SRPX2: variants seen among roughly 807,000 people sequenced by gnomAD.
SRPX2 encodes sushi repeat containing protein X-linked 2.
Under a neutral mutation model 45.3 loss-of-function variants are expected in SRPX2, and 26 were observed. The ratio of observed to expected loss-of-function variants is 0.57; its 90% confidence interval spans 0.42 to 0.80. The LOEUF (loss-of-function observed/expected upper bound fraction) is 0.80, where lower values mean the gene tolerates loss of function less well. SRPX2 is among the 30% of genes least tolerant of loss of function. The probability of loss-of-function intolerance (pLI) is 0.00; values close to 1 mark genes in which losing one functional copy is unlikely to be tolerated. For synonymous variants in SRPX2, 125 were observed against 143.7 expected, an observed-to-expected ratio of 0.87 and a Z score of 0.93; for missense variants, 355 against 399.8, an observed-to-expected ratio of 0.89 and a Z score of 0.95.
At chrX:100,655,901 T>C (rs1453328226) in intron 3 of SRPX2, among the ~76,000 whole-genome samples, 7 of 103,525 alleles carry the variant, frequency 6.8e-5, no homozygotes, top group Non-Finnish European at 1.4e-4. Context: ...TTCGCTCTTG[T>C]TGCCCAGGCT....
rs750882792 is a variant in SRPX2, at chrX:100,670,797, TTC to T, written c.1218-4_1218-3del. Reference sequence around the variant, plus strand: ...CAAGGTCTCATACCTCCCTGGGCTGTTCTCTCTAGGCAATTTCAGCGCCTCAC... The same window carrying T: ...CAAGGTCTCATACCTCCCTGGGCTGTTCTCTAGGCAATTTCAGCGCCTCAC... On this transcript the variant is annotated splice_polypyrimidine_tract_variant and splice_region_variant and intron_variant, in intron 10 of 10. Transcript: ENST00000373004. 1 of 1,210,998 alleles carries T rather than the reference TTC, an allele frequency of 8.3e-7. No individual in the cohort carries two copies. The highest frequency in any genetic ancestry group is 1.8e-5 in the South Asian group (1 of 56,904).
intron 3 of SRPX2, among the ~76,000 whole-genome samples, chrX:100,652,173 A>G (rs1457969810): frequency 8.9e-6 from 1 of 112,063 alleles, no homozygotes; most frequent in Non-Finnish European, 1.9e-5. Context: ...AACCAGCTAC[A>G]GTAATGTTGG....
intron 9 of SRPX2, 100 bp downstream of exon 9, chrX:100,667,507 C>T (rs1161641401): frequency 6.6e-6 from 7 of 1,053,657 alleles, no homozygotes; most frequent in Non-Finnish European, 7.9e-6. Flanking sequence ...TACCTACTTC[C>T]TGAAACTTTT....
At position 100,671,801 on chromosome X, in the gene SRPX2, G is replaced by GAACC. The variant is rs1379509953; in HGVS notation, c.*816_*819dup. 1 of 112,437 alleles carries GAACC rather than the reference G, an allele frequency of 8.9e-6. No individual in the cohort carries two copies. The highest frequency in any genetic ancestry group is 2.8e-4 in the East Asian group (1 of 3,562). The allele number at this position is 112,437 out of a possible 1,213,427, so 9.3% of individuals were successfully genotyped here. On this transcript the variant is annotated 3_prime_UTR_variant, in exon 11 of 11. Coordinates refer to ENST00000373004, the MANE Select transcript of SRPX2 (RefSeq NM_014467.3). The stretch of plus-strand genomic sequence containing the variant: ...GGGCACTGGGCAGCAAATGTTATCT[G>GAACC]AACCATTGCTTCACTGTTAGAAAAA...
chrX:100,658,997 C>T (rs2083178875), intron 3 of SRPX2, among the ~76,000 whole-genome samples: 1 of 111,818 alleles, frequency 8.9e-6, no homozygotes, highest in Admixed American at 9.5e-5. Context: ...ATCTCATCCA[C>T]ATCAATGACA....
chrX:100,655,693 T>C (rs1402620440), intron 3 of SRPX2, among the ~76,000 whole-genome samples: 1 of 110,237 alleles, frequency 9.1e-6, no homozygotes, highest in Non-Finnish European at 1.9e-5. Context: ...CTGCATACCT[T>C]ACAGGGCTGT....
rs2083150536 is a variant in SRPX2, at chrX:100,650,795, C to T, written c.93C>T (p.Tyr31=). ...TCTTCCTTATTCTAGGTTCTGGCTA[C>T]TATCCGGATGAAAGCTACAATGAAG... ...VTPTWYAGSG[Y]YPDESYNEVY... is the part of the protein sequence containing the mutation. Residue 31 remains tyrosine, a synonymous_variant, in exon 3 of 11, where the codon TAC becomes TAT. Transcript: ENST00000373004. 8.3e-7 allele frequency: 1 copy of T among 1,208,290 alleles called. No individual in the cohort carries two copies. The highest frequency in any genetic ancestry group is 1.8e-5 in the African/African-American group (1 of 57,128).
chrX:100,663,143 C>T (rs888611849), intron 4 of SRPX2, among the ~76,000 whole-genome samples: 52 of 110,447 alleles, frequency 4.7e-4, no homozygotes, highest in Non-Finnish European at 1.9e-4. Flanking sequence ...TGGGGCTGGT[C>T]AGAGAAGACG....
intron 2 of SRPX2, among the ~76,000 whole-genome samples, chrX:100,647,138 G>A (rs979530711): frequency 8.9e-6 from 1 of 111,997 alleles, no homozygotes; most frequent in Non-Finnish European, 1.9e-5. Flanking sequence ...GCATACAGAG[G>A]TTTTATATGG....
At chrX:100,653,243 T>G (rs1462653075) in intron 3 of SRPX2, among the ~76,000 whole-genome samples, 1 of 111,085 alleles carries the variant, frequency 9.0e-6, no homozygotes, top group African/African-American at 3.3e-5. Flanking sequence ...ACAAAAGTAT[T>G]TCCTCTCTCC....
intron 9 of SRPX2, among the ~76,000 whole-genome samples, chrX:100,668,192 A>G: frequency 9.1e-6 from 1 of 109,585 alleles, no homozygotes; most frequent in Non-Finnish European, 1.9e-5. Flanking sequence ...TGACAAGACT[A>G]AGAGAAGCAG....
At chrX:100,659,244 G>T (rs950805290) in intron 3 of SRPX2, among the ~76,000 whole-genome samples, 6 of 111,975 alleles carry the variant, frequency 5.4e-5, no homozygotes, top group Admixed American at 4.7e-4. Context: ...AGTTCCCAGA[G>T]ACTTCTTCCT....
rs1233295064 is a variant in SRPX2 at position 100,664,814 on chromosome X, T to C, written c.396T>C (p.Thr132=). 2 of 1,206,590 alleles carry C rather than the reference T, an allele frequency of 1.7e-6. No homozygotes were observed. The highest frequency in any genetic ancestry group is 2.2e-6 in the Non-Finnish European group (2 of 893,478). ...CACTACCATTCATCACTAGTGGCACTTACACCTGCACAAATGGAGTGCTTC... is the reference window on the plus strand; with the variant it reads ...CACTACCATTCATCACTAGTGGCACCTACACCTGCACAAATGGAGTGCTTC... ...CHALPFITSG[T]YTCTNGVLLD... The change falls in exon 5 of 11, where the codon ACT becomes ACC. Residue 132 remains threonine (T), a synonymous_variant. Transcript: ENST00000373004.
chrX:100,670,003 C>G (rs1449185461), intron 10 of SRPX2, among the ~76,000 whole-genome samples: 2 of 110,633 alleles, frequency 1.8e-5, no homozygotes, highest in Non-Finnish European at 3.8e-5. Context: ...AACTCCTGAC[C>G]TCAGGTGATC....
chrX:100,655,853 G>T (rs924489193), intron 3 of SRPX2, among the ~76,000 whole-genome samples: 6 of 83,185 alleles, frequency 7.2e-5, no homozygotes, highest in Non-Finnish European at 1.2e-4. Context: ...TGGGGTGGGG[G>T]AGTTTTTTTT....
Position 100,672,968 on chromosome X carries a change from G to A in SRPX2, c.*1981G>A, listed in dbSNP as rs1034531702. The A allele has an allele frequency of 6.2e-5, 7 of 112,052 alleles. No homozygotes were observed. Among genetic ancestry groups the A allele is most frequent in the Non-Finnish European group, 1.3e-4 (7 of 53,206 alleles). The allele number at this position is 112,052 out of a possible 1,213,427, so 9.2% of individuals were successfully genotyped here. On this transcript the variant is annotated 3_prime_UTR_variant, in exon 11 of 11. Transcript: ENST00000373004. ...GGGTAGAATGGAACATGGAGGAAAT[G>A]TTCAAAGTTGGAGCAAAAAGGTCCC... is the stretch of plus-strand genomic sequence containing the variant.
rs180780022 is a variant in SRPX2, at chrX:100,673,345, G to A, written c.*2358G>A. On this transcript the variant is annotated 3_prime_UTR_variant, in exon 11 of 11. Transcript: ENST00000373004. ...AGTCAAGTCAGTCTTGCTTTCTTTA[G>A]GTAAAGTTTTACAGTAACCTCCTTT... is the stretch of plus-strand genomic sequence containing the variant. The A allele has an allele frequency of 2.4e-4, 27 of 111,710 alleles. No homozygotes were observed. The highest frequency in any genetic ancestry group is 8.8e-4 in the African/African-American group (27 of 30,737). 9.2% of individuals were successfully genotyped at this position (111,710 alleles called of 1,213,427 possible).
chrX:100,668,416 G>A (rs1247664839), intron 9 of SRPX2, among the ~76,000 whole-genome samples: 1 of 106,022 alleles, frequency 9.4e-6, no homozygotes, highest in Non-Finnish European at 1.9e-5. Context: ...GATCCAAAAA[G>A]ACTGACAAAG....
intron 1 of SRPX2, among the ~76,000 whole-genome samples, chrX:100,644,771 G>T (rs778332791): frequency 2.7e-5 from 3 of 111,344 alleles, no homozygotes; most frequent in Admixed American, 9.5e-5. Flanking sequence ...CCTGAGATTG[G>T]GGAGAAGCTG....
Sources: allele counts gnomAD v4.1 joint callset (sites outside exome capture counted in the v4.1 genomes callset), GRCh38; gene constraint gnomAD v4.1.1; transcripts MANE v1.5; gene names NCBI Gene and HGNC (gene_info 2026-07-23, HGNC 2026-07-21).